Variants in LOXHD1 observed in about 807,000 individuals in gnomAD.
The protein encoded by LOXHD1 is lipoxygenase homology PLAT domains 1.
Under a neutral mutation model 248.2 loss-of-function variants are expected in LOXHD1, and 205 were observed. The observed-to-expected ratio is 0.83, with a 90% CI of 0.74 to 0.93. The LOEUF (loss-of-function observed/expected upper bound fraction) is 0.93. Among genes scored for constraint, LOXHD1 ranks in the 40% least tolerant of loss-of-function variants. LOXHD1 has a pLI of 0.00. For synonymous variants in LOXHD1, 1,113 were observed against 1,162.8 expected (o/e 0.96, Z 0.87); for missense variants, 2,930 against 2,971.6 (o/e 0.99, Z 0.33).
chr18:46,614,073 G>A (rs952404435), intron 5 of LOXHD1, among the ~76,000 whole-genome samples: 6 of 152,280 alleles, frequency 3.9e-5, no homozygotes, highest in African/African-American at 1.4e-4. Flanking sequence ...GAAACAACAA[G>A]TGCTGGAGAG....
intron 21 of LOXHD1, among the ~76,000 whole-genome samples, chr18:46,553,939 G>A (rs537755814): frequency 7.2e-5 from 11 of 152,286 alleles, no homozygotes; most frequent in African/African-American, 2.4e-4. Flanking sequence ...TGGGTTCAAG[G>A]AACAGCAAGG....
chr18:46,652,258 G>C (rs1568236056), intron 1 of LOXHD1, among the ~76,000 whole-genome samples: 2 of 152,144 alleles, frequency 1.3e-5, no homozygotes, highest in African/African-American at 2.4e-5. Flanking sequence ...GGAACACAGG[G>C]AACCCTTGAG....
chr18:46,636,664 A>G (rs1349937654), intron 4 of LOXHD1, among the ~76,000 whole-genome samples: 2 of 152,162 alleles, frequency 1.3e-5, no homozygotes, highest in African/African-American at 2.4e-5. Flanking sequence ...AGTTCACTGA[A>G]CATGCCCCCC....
At position 46,485,155 on chromosome 18, in the gene LOXHD1, T is replaced by C. The variant is rs1169621696; in HGVS notation, c.6050-4A>G. 2 of 1,548,006 alleles carry C rather than the reference T, an allele frequency of 1.3e-6. No individual in the cohort carries two copies. Among genetic ancestry groups the C allele is most frequent in the Non-Finnish European group, 1.7e-6 (2 of 1,145,180 alleles). On this transcript the variant is annotated splice_polypyrimidine_tract_variant and splice_region_variant and intron_variant, in intron 38 of 40. Transcript: ENST00000642948. ...GTTTCTATGACGATCTCGTAGGCTG[T>C]AATGGAGGAGGTGGGGGAGGGTCAG... is the stretch of plus-strand genomic sequence containing the variant.
At chr18:46,563,818 G>GACACC (rs2037580144) in intron 17 of LOXHD1, among the ~76,000 whole-genome samples, 1 of 152,104 alleles carries the variant, frequency 6.6e-6, no homozygotes, top group Non-Finnish European at 1.5e-5. Context: ...CACACAGAGA[G>GACACC]ACACCAGGGA....
intron 12 of LOXHD1, among the ~76,000 whole-genome samples, chr18:46,581,705 A>G (rs950735328): frequency 8.2e-6 from 1 of 122,122 alleles, no homozygotes; most frequent in Non-Finnish European, 1.8e-5. Context: ...ATGTTCAACA[A>G]ACTCCAAATT....
chr18:46,588,494 T>C (rs1003474307), intron 12 of LOXHD1, among the ~76,000 whole-genome samples: 5 of 152,204 alleles, frequency 3.3e-5, no homozygotes, highest in Non-Finnish European at 5.9e-5. Flanking sequence ...GCACATTTTA[T>C]ACATGTAACC....
At chr18:46,486,747 G>A (rs1322355665) in intron 38 of LOXHD1, among the ~76,000 whole-genome samples, 1 of 152,162 alleles carries the variant, frequency 6.6e-6, no homozygotes, top group Non-Finnish European at 1.5e-5. Context: ...GACTCAAGTA[G>A]GAGGTGTGAG....
chr18:46,606,210 TA>T (rs1365525581), intron 6 of LOXHD1, among the ~76,000 whole-genome samples: 1 of 152,176 alleles, frequency 6.6e-6, no homozygotes, highest in African/African-American at 2.4e-5. Flanking sequence ...TCAAAGTTCT[TA>T]AAATTCTGCC....
intron 37 of LOXHD1, among the ~76,000 whole-genome samples, chr18:46,501,290 G>A (rs2034214329): frequency 6.6e-6 from 1 of 152,190 alleles, no homozygotes; most frequent in South Asian, 2.1e-4. Flanking sequence ...GGCTGAACAA[G>A]GCAACACTGC....
chr18:46,496,768 C>T (rs763877721), intron 37 of LOXHD1, among the ~76,000 whole-genome samples: 18 of 152,166 alleles, frequency 1.2e-4, no homozygotes, highest in South Asian at 6.2e-4. Context: ...TTTGGGAGGC[C>T]GAGGCAGGTG....
intron 1 of LOXHD1, 131 bp downstream of exon 1, chr18:46,656,773 C>G (rs186194891): frequency 1.8e-6 from 2 of 1,085,766 alleles, no homozygotes; most frequent in African/African-American, 1.6e-5. Flanking sequence ...GGATATGGAA[C>G]AGACACATGG....
Position 46,618,298 on chromosome 18 carries a change from C to T in LOXHD1, c.512-8G>A, listed in dbSNP as rs568722867. 1.9e-6 allele frequency: 3 copies of T among 1,541,448 alleles called. No homozygotes were observed. Among genetic ancestry groups the T allele is most frequent in the South Asian group, 2.4e-5 (2 of 83,854 alleles). ...TGACTTCATACTTATTACCTAGGAACAAGGAGAGAGAAAAACCTTAGCTCA... is the reference window on the plus strand; with the variant it reads ...TGACTTCATACTTATTACCTAGGAATAAGGAGAGAGAAAAACCTTAGCTCA... On this transcript the variant is annotated splice_region_variant and splice_polypyrimidine_tract_variant and intron_variant, in intron 4 of 40. Coordinates refer to ENST00000642948, the MANE Select transcript of LOXHD1 (RefSeq NM_001384474.1).
At chr18:46,620,833 G>A (rs1442576251) in intron 4 of LOXHD1, among the ~76,000 whole-genome samples, 1 of 152,198 alleles carries the variant, frequency 6.6e-6, no homozygotes, top group Non-Finnish European at 1.5e-5. Flanking sequence ...CATCTCAGAA[G>A]GAAGGGGAAG....
rs747795390 is a variant in LOXHD1, at chr18:46,524,882, G to A, written c.4566C>T (p.Gly1522=). 30 of 1,551,578 alleles carry A rather than the reference G, an allele frequency of 1.9e-5. No individual in the cohort carries two copies. Among genetic ancestry groups the A allele is most frequent in the South Asian group, 3.6e-5 (3 of 84,066 alleles). Reference sequence around the variant, plus strand: ...GGCGGAGCTTGATCTTGTAGATGACGCCTAGGTCAGCGGCCTCGATGATGA... The same window carrying A: ...GGCGGAGCTTGATCTTGTAGATGACACCTAGGTCAGCGGCCTCGATGATGA... ...DTFIIEAADL[G]VIYKIKLRHD... The change falls in exon 30 of 41, where the codon GGC becomes GGT. Residue 1522 remains glycine (G), a synonymous_variant. Coordinates refer to ENST00000642948, the MANE Select transcript of LOXHD1 (RefSeq NM_001384474.1).
intron 23 of LOXHD1, among the ~76,000 whole-genome samples, chr18:46,544,463 A>G (rs2036707710): frequency 6.6e-6 from 1 of 152,226 alleles, no homozygotes; most frequent in Non-Finnish European, 1.5e-5. Flanking sequence ...ATGCATTTGT[A>G]GGTTATGACC....
chr18:46,574,705 C>G (rs1168100076), intron 14 of LOXHD1, among the ~76,000 whole-genome samples: 1 of 152,136 alleles, frequency 6.6e-6, no homozygotes, highest in Non-Finnish European at 1.5e-5. Flanking sequence ...TCTCTTCCGC[C>G]CAGCCATCAG....
chr18:46,524,791 C>T lies in LOXHD1; in HGVS notation c.4657G>A (p.Glu1553Lys), dbSNP rs185142131. The T allele has an allele frequency of 1.6e-4, 249 of 1,551,690 alleles. 1 individual carries two copies. The East Asian group carries it at 5.8e-3, about 36-fold the overall frequency. The change falls in exon 30 of 41, where the codon GAG (glutamate) becomes AAG (lysine). Residue 1553 changes from glutamate (E) to lysine (K), a missense_variant. Glu to Lys is a moderately conservative substitution (Grantham distance 56). Transcript: ENST00000642948. ...CCGCATAGGAACAGGAACTCGTCCT[C>T]GTTGGTGTCATTCCAGATCTCCACC... ...EKVEIWNDTN[E>K]DEFLFLCGRW...
chr18:46,597,702 G>A (rs372526511), intron 8 of LOXHD1, among the ~76,000 whole-genome samples: 5 of 151,532 alleles, frequency 3.3e-5, no homozygotes, highest in African/African-American at 7.3e-5. Flanking sequence ...ATAACCAATC[G>A]ACAACTGTAC....
Sources: allele counts gnomAD v4.1 joint callset (sites outside exome capture counted in the v4.1 genomes callset), GRCh38; gene constraint gnomAD v4.1.1; transcripts MANE v1.5; gene names NCBI Gene and HGNC (gene_info 2026-07-23, HGNC 2026-07-21).